FOXP1: variants seen among roughly 807,000 people sequenced by gnomAD.
The protein encoded by FOXP1 is forkhead box protein P1.
A neutral mutation model predicts 98.2 loss-of-function variants in FOXP1; 15 were observed. The ratio of observed to expected loss-of-function variants is 0.15; its 90% confidence interval spans 0.10 to 0.24. FOXP1 has a LOEUF of 0.24. Ranked by LOEUF, FOXP1 falls within the 10% of genes least tolerant of loss-of-function variation. The pLI is 1.00. For missense variants in FOXP1, 633 were observed against 848.5 expected, an observed-to-expected ratio of 0.75 and a Z score of 3.15; for synonymous variants, 371 against 314.5, an observed-to-expected ratio of 1.18 and a Z score of -1.90.
intron 3 of FOXP1, among the ~76,000 whole-genome samples, chr3:71,373,840 A>G (rs1577189604): frequency 6.6e-6 from 1 of 152,236 alleles, no homozygotes; most frequent in East Asian, 1.9e-4. Context: ...GATAAAACAA[A>G]TGCTCTGACA....
chr3:71,546,962 A>C (rs1278692765), intron 2 of FOXP1, among the ~76,000 whole-genome samples: 9 of 152,228 alleles, frequency 5.9e-5, no homozygotes, highest in Non-Finnish European at 1.0e-4. Context: ...ACAGAGACAC[A>C]GAGAGGAAGA....
intron 3 of FOXP1, among the ~76,000 whole-genome samples, chr3:71,419,122 G>A (rs1359310209): frequency 6.6e-6 from 1 of 150,486 alleles, no homozygotes; most frequent in Non-Finnish European, 1.5e-5. Context: ...TGTAATCCCA[G>A]CTAGCAGGAG....
rs142215526 is a variant in FOXP1 at position 71,471,936 on chromosome 3, T to A, written c.-168+21490A>T. Among the ~76,000 whole-genome samples the A allele has an allele frequency of 5.7e-4, 87 of 152,334 alleles. No individual in the cohort carries two copies. In the East Asian group the frequency reaches 0.017, roughly 29 times the overall value. On this transcript the variant is annotated intron_variant, in intron 3 of 20. Coordinates refer to ENST00000649528, the MANE Select transcript of FOXP1 (RefSeq NM_001349338.3). Reference sequence around the variant, plus strand: ...CCCAGGTTTAAAGATTTATCTGAATTTGTTCTACAGCCCTACTGGGAGAGG... The same window carrying A: ...CCCAGGTTTAAAGATTTATCTGAATATGTTCTACAGCCCTACTGGGAGAGG...
intron 11 of FOXP1, among the ~76,000 whole-genome samples, chr3:71,027,108 A>C (rs1240935613): frequency 6.6e-6 from 1 of 152,204 alleles, no homozygotes; most frequent in Non-Finnish European, 1.5e-5. Context: ...CAATACAGAC[A>C]TAGGGATCAC....
intron 5 of FOXP1, chr3:71,288,552 T>C (rs756581385): frequency 6.6e-6 from 1 of 152,228 alleles, no homozygotes; most frequent in Non-Finnish European, 1.5e-5. Flanking sequence ...CAATCTGTGA[T>C]ATACTTCAGA....
At chr3:71,088,539 T>G (rs2055417120) in intron 7 of FOXP1, among the ~76,000 whole-genome samples, 1 of 152,142 alleles carries the variant, frequency 6.6e-6, no homozygotes, top group African/African-American at 2.4e-5. Flanking sequence ...AGATGTTTGT[T>G]GAACAGGGAA....
At chr3:71,025,912 C>T (rs1206504702) in intron 11 of FOXP1, among the ~76,000 whole-genome samples, 1 of 152,194 alleles carries the variant, frequency 6.6e-6, no homozygotes, top group East Asian at 1.9e-4. Flanking sequence ...AAAGCAGAGT[C>T]ACAATCAACT....
At chr3:71,121,163 A>G (rs975833331) in intron 6 of FOXP1, among the ~76,000 whole-genome samples, 4 of 151,636 alleles carry the variant, frequency 2.6e-5, no homozygotes, top group African/African-American at 4.8e-5. Context: ...CTGCGCACCA[A>G]CTACAGGAGA....
At chr3:71,469,399 T>C (rs1295577560) in intron 3 of FOXP1, among the ~76,000 whole-genome samples, 2 of 152,112 alleles carry the variant, frequency 1.3e-5, no homozygotes, top group Non-Finnish European at 2.9e-5. Context: ...CACAGGACCA[T>C]TCTATAGTTT....
intron 5 of FOXP1, among the ~76,000 whole-genome samples, chr3:71,223,691 C>T (rs1419442933): frequency 2.9e-5 from 3 of 104,708 alleles, no homozygotes; most frequent in Non-Finnish European, 3.5e-5. Flanking sequence ...GAGACTACGT[C>T]TCAAAAAAAA....
chr3:71,397,726 TCA>T (rs1316509144), intron 3 of FOXP1, among the ~76,000 whole-genome samples: 2 of 152,226 alleles, frequency 1.3e-5, no homozygotes, highest in African/African-American at 4.8e-5. Flanking sequence ...CTCACTGATT[TCA>T]CAGAGTTAAT....
At chr3:71,292,044 A>G (rs1017746767) in intron 5 of FOXP1, among the ~76,000 whole-genome samples, 1 of 152,172 alleles carries the variant, frequency 6.6e-6, no homozygotes, top group African/African-American at 2.4e-5. Context: ...ACAAGCCACT[A>G]CACTAAAATC....
intron 11 of FOXP1, among the ~76,000 whole-genome samples, chr3:71,023,701 G>C (rs953730158): frequency 2.0e-5 from 3 of 152,140 alleles, no homozygotes; most frequent in African/African-American, 7.2e-5. Context: ...TCTTAGGTTT[G>C]AAGATGGGAA....
intron 3 of FOXP1, among the ~76,000 whole-genome samples, chr3:71,464,808 C>T (rs2108556375): frequency 6.6e-6 from 1 of 152,284 alleles, no homozygotes; most frequent in African/African-American, 2.4e-5. Flanking sequence ...GACTTTGTGG[C>T]AAGCAGGGGA....
intron 6 of FOXP1, among the ~76,000 whole-genome samples, chr3:71,134,640 A>C: frequency 6.6e-6 from 1 of 152,192 alleles, no homozygotes; most frequent in Non-Finnish European, 1.5e-5. Context: ...CCAAAGATAC[A>C]CCTTGTAAAT....
intron 5 of FOXP1, among the ~76,000 whole-genome samples, chr3:71,295,746 T>C (rs2073221826): frequency 6.6e-6 from 1 of 152,232 alleles, no homozygotes; most frequent in African/African-American, 2.4e-5. Flanking sequence ...CAAATGCATG[T>C]GGGTAAATTG....
In FOXP1 at chr3:71,466,571, T is replaced by C. The variant is rs189669207; in HGVS notation, c.-168+26855A>G. Among the ~76,000 whole-genome samples the C allele has an allele frequency of 1.8e-3, 268 of 152,342 alleles. 8 individuals are homozygous for C. The highest frequency in any genetic ancestry group is 0.015 in the Admixed American group (225 of 15,302). On this transcript the variant is annotated intron_variant, in intron 3 of 20. Coordinates refer to ENST00000649528, the MANE Select transcript of FOXP1 (RefSeq NM_001349338.3). ...CTATGCGAATCTGATCGGGATTGGA[T>C]TGTTTTCAGCGGAATTTTTTTTTCC... is the stretch of plus-strand genomic sequence containing the variant.
rs150133882 is a variant in FOXP1 at position 71,393,901 on chromosome 3, C to T, written c.-167-34657G>A. Among the ~76,000 whole-genome samples the T allele has an allele frequency of 3.0e-3, 458 of 152,278 alleles. 2 individuals carry two copies. Among genetic ancestry groups the T allele is most frequent in the South Asian group, 0.03 (143 of 4,822 alleles). On this transcript the variant is annotated intron_variant, in intron 3 of 20. Transcript: ENST00000649528. ...GTAGAGATGGGATCTCACTGTGTTG[C>T]CCAGGCTGGTGTTGAACTCCTGGGC...
intron 6 of FOXP1, among the ~76,000 whole-genome samples, chr3:71,171,676 C>T (rs977198815): frequency 1.3e-5 from 2 of 152,328 alleles, no homozygotes; most frequent in South Asian, 4.1e-4. Flanking sequence ...ATACTTGCAA[C>T]CAACAATCTA....
Sources: gnomAD v4.1 joint callset for allele counts (sites outside exome capture counted in the v4.1 genomes callset) on GRCh38, gnomAD v4.1.1 for gene constraint, MANE v1.5 for transcripts, NCBI Gene and HGNC (gene_info 2026-07-23, HGNC 2026-07-21) for gene names.